Variants in ZFAT observed in about 807,000 individuals in gnomAD.
ZFAT encodes zinc finger protein ZFAT.
ZFAT carries 64 observed loss-of-function variants against 117.7 expected under a neutral mutation model. The ratio of observed to expected loss-of-function variants is 0.54; its 90% confidence interval spans 0.44 to 0.67. The LOEUF is 0.67. Among genes scored for constraint, ZFAT ranks in the 30% least tolerant of loss-of-function variants. The probability of loss-of-function intolerance (pLI) is 0.00; values close to 1 mark genes in which losing one functional copy is unlikely to be tolerated. For synonymous variants in ZFAT, 679 were observed against 615.0 expected (o/e 1.10, Z -1.54); for missense variants, 1,433 against 1,584.5 (o/e 0.90, Z 1.62).
chr8:134,605,532 C>G (rs1473821390), intron 5 of ZFAT, among the ~76,000 whole-genome samples: 3 of 149,966 alleles, frequency 2.0e-5, no homozygotes, highest in East Asian at 1.9e-4. Flanking sequence ...GGAGACAGAG[C>G]CACAGAGCCA....
At chr8:134,636,009 C>T (rs562256172) in intron 3 of ZFAT, among the ~76,000 whole-genome samples, 3 of 152,216 alleles carry the variant, frequency 2.0e-5, no homozygotes, top group Admixed American at 6.5e-5. Flanking sequence ...TACATCATTG[C>T]CTTGAGAGTT....
intron 10 of ZFAT, among the ~76,000 whole-genome samples, chr8:134,571,794 T>G (rs936234782): frequency 1.3e-5 from 2 of 152,232 alleles, no homozygotes; most frequent in African/African-American, 4.8e-5. Flanking sequence ...TGGTAAGATT[T>G]GATACCCATT....
At chr8:134,826,146 T>G in the ZFAT span, among the ~76,000 whole-genome samples, 1 of 152,192 alleles carries the variant, frequency 6.6e-6, no homozygotes, top group African/African-American at 2.4e-5. Flanking sequence ...TCTGGGCACA[T>G]TCCAGATTCC....
At chr8:134,692,131 C>A (rs1177080265) in intron 1 of ZFAT, among the ~76,000 whole-genome samples, 1 of 152,108 alleles carries the variant, frequency 6.6e-6, no homozygotes, top group East Asian at 1.9e-4. Flanking sequence ...GCCACCGTGC[C>A]CGGCCTGAAC....
chr8:134,504,063 T>C (rs535076559), intron 15 of ZFAT, among the ~76,000 whole-genome samples: 1 of 152,280 alleles, frequency 6.6e-6, no homozygotes, highest in East Asian at 1.9e-4. Context: ...GAAGCAGGCT[T>C]GGTAAAGTGC....
chr8:134,504,578 T>C (rs1819252252), intron 15 of ZFAT, among the ~76,000 whole-genome samples: 1 of 152,112 alleles, frequency 6.6e-6, no homozygotes, highest in Non-Finnish European at 1.5e-5. Flanking sequence ...TCAGTGCAGG[T>C]TCACTATTTG....
At chr8:134,664,258 G>A (rs1832091503) in intron 1 of ZFAT, among the ~76,000 whole-genome samples, 1 of 152,082 alleles carries the variant, frequency 6.6e-6, no homozygotes, top group South Asian at 2.1e-4. Context: ...AGCCAGGGAA[G>A]TGCAGGGGCA....
chr8:134,641,627 A>T (rs947940360), intron 2 of ZFAT, among the ~76,000 whole-genome samples: 1 of 152,188 alleles, frequency 6.6e-6, no homozygotes, highest in Non-Finnish European at 1.5e-5. Flanking sequence ...CTGAGGTCTG[A>T]GCTGGCCTTT....
In ZFAT at chr8:134,676,165, T is replaced by C. The variant is rs141436658; in HGVS notation, c.20-18428A>G. Among the ~76,000 whole-genome samples the C allele has an allele frequency of 2.5e-3, 360 of 145,244 alleles. 2 individuals carry two copies. Among genetic ancestry groups the C allele is most frequent in the African/African-American group, 9.0e-3 (348 of 38,864 alleles). On this transcript the variant is annotated intron_variant, in intron 1 of 15. Coordinates refer to ENST00000377838, the MANE Select transcript of ZFAT (RefSeq NM_020863.4). ...ACAGACTGGCAAATTAGATAAAGAGTGTGCTGTATTCAGGAGACCCATTTC... is the reference window on the plus strand; with the variant it reads ...ACAGACTGGCAAATTAGATAAAGAGCGTGCTGTATTCAGGAGACCCATTTC...
At chr8:134,560,327 C>T (rs1457697173) in intron 11 of ZFAT, among the ~76,000 whole-genome samples, 1 of 152,076 alleles carries the variant, frequency 6.6e-6, no homozygotes, top group Non-Finnish European at 1.5e-5. Context: ...TGTATGAATC[C>T]CATGAACTCA....
In ZFAT at chr8:134,692,689, T is replaced by C. The variant is rs146502681; in HGVS notation, c.19+20156A>G. 7.6e-3 allele frequency among the ~76,000 whole-genome samples: 1,162 copies of C among 152,322 alleles called. 6 individuals are homozygous for C. Among genetic ancestry groups the C allele is most frequent in the Non-Finnish European group, 0.012 (791 of 68,024 alleles). ...CCATACTTTAAATGAATAACCATAA[T>C]TGCACTGAAATAGGAGACGATCAAC... On this transcript the variant is annotated intron_variant, in intron 1 of 15. Transcript: ENST00000377838.
chr8:134,701,813 T>C (rs1390392269), intron 1 of ZFAT, among the ~76,000 whole-genome samples: 4 of 152,254 alleles, frequency 2.6e-5, no homozygotes, highest in Non-Finnish European at 5.9e-5. Flanking sequence ...CACCAGCTAA[T>C]GAGCATTTGG....
At chr8:134,789,148 G>A in the ZFAT span, among the ~76,000 whole-genome samples, 2 of 152,086 alleles carry the variant, frequency 1.3e-5, no homozygotes, top group East Asian at 3.9e-4. Flanking sequence ...CCATTAAATT[G>A]TTAGGTATAC....
the ZFAT span, among the ~76,000 whole-genome samples, chr8:134,805,567 T>A: frequency 1.3e-5 from 2 of 152,164 alleles, no homozygotes; most frequent in Admixed American, 1.3e-4. Flanking sequence ...TATAAGGCAA[T>A]ATACTAAAAC....
intron 15 of ZFAT, among the ~76,000 whole-genome samples, chr8:134,492,749 A>G (rs1818141037): frequency 6.6e-6 from 1 of 152,256 alleles, no homozygotes; most frequent in African/African-American, 2.4e-5. Flanking sequence ...CTGAATTTAT[A>G]GAGGAAAGAA....
At chr8:134,741,330 G>A in the ZFAT span, among the ~76,000 whole-genome samples, 1 of 152,046 alleles carries the variant, frequency 6.6e-6, no homozygotes, top group African/African-American at 2.4e-5. Context: ...AACTGCTCCA[G>A]CCAGGCTCTC....
intron 10 of ZFAT, among the ~76,000 whole-genome samples, chr8:134,579,877 A>G (rs1825596914): frequency 6.6e-6 from 1 of 150,806 alleles, no homozygotes; most frequent in African/African-American, 2.4e-5. Context: ...ACTTGAACCC[A>G]GGAGGTGGGG....
intron 2 of ZFAT, among the ~76,000 whole-genome samples, chr8:134,653,286 A>T (rs1364509508): frequency 8.6e-6 from 1 of 116,020 alleles, no homozygotes; most frequent in East Asian, 2.0e-4. Flanking sequence ...AAAAAAAAAA[A>T]AAAAACAAAA....
chr8:134,696,655 T>C (rs1036390539), intron 1 of ZFAT: 2 of 966,196 alleles, frequency 2.1e-6, no homozygotes, highest in African/African-American at 1.8e-5. Flanking sequence ...GGACAGGGCA[T>C]CCTGCCGCCA....
Sources: gnomAD v4.1 joint callset for allele counts (sites outside exome capture counted in the v4.1 genomes callset) on GRCh38, gnomAD v4.1.1 for gene constraint, MANE v1.5 for transcripts, NCBI Gene and HGNC (gene_info 2026-07-23, HGNC 2026-07-21) for gene names.